Variants in MNAT1 observed in about 807,000 individuals in gnomAD.
MNAT1 encodes the protein MNAT1 component of CDK activating kinase, also known as CDK-activating kinase assembly factor MAT1.
A neutral mutation model predicts 42.0 loss-of-function variants in MNAT1; 43 were observed. The observed-to-expected ratio is 1.02, with a 90% confidence interval of 0.80 to 1.32. The LOEUF is 1.32. MNAT1 is among the 40% of genes most tolerant of loss of function. The pLI, the probability that MNAT1 is intolerant of heterozygous loss-of-function variation, is 0.00. For missense variants in MNAT1, 306 were observed against 350.4 expected (o/e 0.87, Z 1.01); for synonymous variants, 118 against 120.0 (o/e 0.98, Z 0.11).
chr14:60,866,600 G>T lies in MNAT1; in HGVS notation c.688-13114G>T, dbSNP rs114958640. Among the ~76,000 whole-genome samples the T allele has an allele frequency of 5.2e-3, 784 of 152,014 alleles. 8 individuals are homozygous for T. The highest frequency in any genetic ancestry group is 0.018 in the African/African-American group (746 of 41,500). On this transcript the variant is annotated intron_variant, in intron 6 of 7. Coordinates refer to ENST00000261245, the MANE Select transcript of MNAT1 (RefSeq NM_002431.4). ...CAATGCTGTTCCTTTTATGTTTTGT[G>T]TTCTCCTGTAGTTTTGAGACTCATG... is the stretch of plus-strand genomic sequence containing the variant.
At chr14:60,927,510 C>G (rs1323215062) in intron 7 of MNAT1, among the ~76,000 whole-genome samples, 2 of 152,108 alleles carry the variant, frequency 1.3e-5, no homozygotes, top group African/African-American at 4.8e-5. Flanking sequence ...GGCCCCATGC[C>G]CAGAAAGGAG....
intron 1 of MNAT1, among the ~76,000 whole-genome samples, chr14:60,776,333 A>T (rs2031248541): frequency 6.6e-6 from 1 of 152,092 alleles, no homozygotes; most frequent in Non-Finnish European, 1.5e-5. Flanking sequence ...GAAACAGACA[A>T]CCCAGCAGAG....
intron 7 of MNAT1, among the ~76,000 whole-genome samples, chr14:60,959,417 C>T (rs544479208): frequency 5.9e-5 from 9 of 152,324 alleles, no homozygotes; most frequent in Admixed American, 3.9e-4. Context: ...ATGCCAGTCT[C>T]TTCAGCAATC....
At chr14:60,892,223 T>C (rs2034860997) in intron 7 of MNAT1, among the ~76,000 whole-genome samples, 1 of 152,136 alleles carries the variant, frequency 6.6e-6, no homozygotes, top group South Asian at 2.1e-4. Flanking sequence ...TGTCTAGTTT[T>C]TCTATCTATT....
At chr14:60,753,717 A>G (rs1424366117) in intron 1 of MNAT1, 1 of 152,188 alleles carries the variant, frequency 6.6e-6, no homozygotes, top group Non-Finnish European at 1.5e-5. Context: ...AAGTATAAAG[A>G]ATTTGTGGCC....
chr14:60,828,503 G>A (rs1183597785), intron 6 of MNAT1, among the ~76,000 whole-genome samples: 2 of 150,666 alleles, frequency 1.3e-5, no homozygotes, highest in Non-Finnish European at 2.9e-5. Flanking sequence ...CACATATCCA[G>A]CACAGAACAC....
chr14:60,882,548 G>A (rs750326879), intron 7 of MNAT1, among the ~76,000 whole-genome samples: 13 of 152,198 alleles, frequency 8.5e-5, no homozygotes. Context: ...AAACATGGGA[G>A]TGCAGATGTC....
intron 7 of MNAT1, among the ~76,000 whole-genome samples, chr14:60,954,855 T>A (rs547515164): frequency 2.6e-5 from 4 of 152,198 alleles, no homozygotes; most frequent in South Asian, 2.1e-4. Context: ...CTATCGTATT[T>A]TATATATATA....
chr14:60,835,063 A>G (rs1375922985), intron 6 of MNAT1, among the ~76,000 whole-genome samples: 1 of 149,542 alleles, frequency 6.7e-6, no homozygotes, highest in Admixed American at 6.7e-5. Flanking sequence ...TCAGAGTCTA[A>G]GATTTCAAGC....
intron 6 of MNAT1, among the ~76,000 whole-genome samples, chr14:60,843,453 G>A (rs1426036236): frequency 6.6e-6 from 1 of 151,978 alleles, no homozygotes; most frequent in East Asian, 1.9e-4. Flanking sequence ...GGTATTTTTA[G>A]TAGAGACGGG....
chr14:60,770,642 A>G (rs1209359886), intron 1 of MNAT1, among the ~76,000 whole-genome samples: 1 of 152,132 alleles, frequency 6.6e-6, no homozygotes, highest in African/African-American at 2.4e-5. Flanking sequence ...ATGTTTTGAA[A>G]TATTAACCCA....
chr14:60,916,048 G>A (rs1489549293), intron 7 of MNAT1, among the ~76,000 whole-genome samples: 1 of 152,160 alleles, frequency 6.6e-6, no homozygotes, highest in Non-Finnish European at 1.5e-5. Context: ...ACTTTTCCAT[G>A]AAGCAGGTCT....
chr14:60,927,483 C>G (rs2035790197), intron 7 of MNAT1, among the ~76,000 whole-genome samples: 1 of 152,190 alleles, frequency 6.6e-6, no homozygotes, highest in South Asian at 2.1e-4. Context: ...GTATGTGTAA[C>G]CAGTACAGTC....
intron 7 of MNAT1, among the ~76,000 whole-genome samples, chr14:60,910,818 C>T (rs1435623350): frequency 6.6e-6 from 1 of 152,096 alleles, no homozygotes; most frequent in Non-Finnish European, 1.5e-5. Context: ...GGCTTTGGTA[C>T]CAGGATGATG....
chr14:60,915,444 C>T (rs2035491394), intron 7 of MNAT1, among the ~76,000 whole-genome samples: 1 of 152,110 alleles, frequency 6.6e-6, no homozygotes, highest in Admixed American at 6.5e-5. Flanking sequence ...CTTAGATTTC[C>T]CATAATGATT....
intron 7 of MNAT1, among the ~76,000 whole-genome samples, chr14:60,948,690 C>T (rs1460491031): frequency 1.3e-5 from 2 of 152,144 alleles, no homozygotes; most frequent in African/African-American, 4.8e-5. Context: ...TCCTATTAGA[C>T]TTATATCTCC....
intron 6 of MNAT1, among the ~76,000 whole-genome samples, chr14:60,824,832 T>C (rs1038718373): frequency 6.6e-6 from 1 of 152,202 alleles, no homozygotes; most frequent in South Asian, 2.1e-4. Flanking sequence ...TAGTTAGATA[T>C]ATAAATGAAT....
chr14:60,763,186 T>C (rs1235373366), intron 1 of MNAT1, among the ~76,000 whole-genome samples: 1 of 152,186 alleles, frequency 6.6e-6, no homozygotes, highest in East Asian at 1.9e-4. Context: ...CTAATGGAAA[T>C]TTCTTACTGA....
chr14:60,771,199 T>C (rs572414888), intron 1 of MNAT1, among the ~76,000 whole-genome samples: 1 of 152,336 alleles, frequency 6.6e-6, no homozygotes, highest in South Asian at 2.1e-4. Flanking sequence ...TTTTGTTTTT[T>C]ACATCTTTGC....
Sources: allele counts gnomAD v4.1 joint callset (sites outside exome capture counted in the v4.1 genomes callset), GRCh38; gene constraint gnomAD v4.1.1; transcripts MANE v1.5; gene names NCBI Gene and HGNC (gene_info 2026-07-23, HGNC 2026-07-21).